RXYLT1: variants seen among roughly 807,000 people sequenced by gnomAD.
RXYLT1 encodes the protein ribitol-5-phosphate xylosyltransferase 1.
RXYLT1 carries 41 observed loss-of-function variants against 43.5 expected under a neutral mutation model. That is an observed-to-expected ratio of 0.94 (90% CI 0.73 to 1.22). The LOEUF (loss-of-function observed/expected upper bound fraction) is 1.22, where lower values mean the gene tolerates loss of function less well. RXYLT1 is among the 50% of genes most tolerant of loss of function. The pLI is 0.00. For missense variants in RXYLT1, 514 were observed against 532.0 expected (o/e 0.97, Z 0.33); for synonymous variants, 166 against 194.4 (o/e 0.85, Z 1.21).
chr12:63,781,586 C>A (rs974656088), intron 2 of RXYLT1, among the ~76,000 whole-genome samples: 2 of 152,230 alleles, frequency 1.3e-5, no homozygotes, highest in Non-Finnish European at 2.9e-5. Context: ...CAAGGTTCTT[C>A]ATTGCAGGCC....
At chr12:63,804,895 T>C (rs1898251280) in intron 4 of RXYLT1, 1 of 174,092 alleles carries the variant, frequency 5.7e-6, no homozygotes. Context: ...ATCGTGATCA[T>C]TATGAATAGA....
chr12:63,787,745 A>G (rs559229468), intron 3 of RXYLT1, among the ~76,000 whole-genome samples: 6 of 152,162 alleles, frequency 3.9e-5, no homozygotes, highest in South Asian at 4.1e-4. Context: ...TCGTGCTTCA[A>G]CATCCCAAGT....
intron 2 of RXYLT1, among the ~76,000 whole-genome samples, chr12:63,783,521 C>CT (rs1419348644): frequency 6.6e-6 from 1 of 152,098 alleles, no homozygotes; most frequent in African/African-American, 2.4e-5. Flanking sequence ...TAGATATCCT[C>CT]TAAGACAATA....
chr12:63,780,276 C>T, intron 1 of RXYLT1, 147 bp downstream of exon 1: 1 of 1,361,314 alleles, frequency 7.3e-7, no homozygotes, highest in Admixed American at 3.8e-5. Flanking sequence ...GCCTCTCGAG[C>T]CAGCCCTTGG....
At chr12:63,806,895 G>A (rs1216670807) in intron 5 of RXYLT1, 1 of 152,274 alleles carries the variant, frequency 6.6e-6, no homozygotes, top group Non-Finnish European at 1.5e-5. Flanking sequence ...TCAATTCTTA[G>A]TGACTGGCAA....
chr12:63,791,869 A>G (rs1897925476), intron 3 of RXYLT1, among the ~76,000 whole-genome samples: 1 of 152,240 alleles, frequency 6.6e-6, no homozygotes, highest in Admixed American at 6.5e-5. Context: ...AAGAGATTAA[A>G]TAACTTCCCC....
At position 63,799,993 on chromosome 12, in the gene RXYLT1, CAAACATAGTCCTCA is replaced by C. The variant is rs769285438; in HGVS notation, c.429-2085_429-2072del. ...TGCCAGTGCTAGATACTGTCCAAGG[CAAACATAGTCCTCA>C]AAACATAGTCCTGGTCCCTGTATGT... On this transcript the variant is annotated intron_variant, in intron 3 of 5. Transcript: ENST00000261234. Among the ~76,000 whole-genome samples, 12 of 152,250 alleles carry C rather than the reference CAAACATAGTCCTCA, an allele frequency of 7.9e-5. No homozygotes were observed. In the South Asian group the frequency reaches 2.5e-3, roughly 32 times the overall value.
chr12:63,797,152 TG>T (rs1482766710), intron 3 of RXYLT1, among the ~76,000 whole-genome samples: 4 of 151,746 alleles, frequency 2.6e-5, no homozygotes, highest in African/African-American at 9.7e-5. Context: ...TTAGTAGAAA[TG>T]GGGTTTCACC....
chr12:63,802,614 T>G (rs1011791980), intron 4 of RXYLT1, among the ~76,000 whole-genome samples: 1 of 152,132 alleles, frequency 6.6e-6, no homozygotes, highest in Non-Finnish European at 1.5e-5. Context: ...AATGAGGAGA[T>G]GAGTTACTTT....
At chr12:63,780,193 G>C in intron 1 of RXYLT1, 64 bp downstream of exon 1, 8 of 1,396,374 alleles carry the variant, frequency 5.7e-6, no homozygotes, top group Non-Finnish European at 7.4e-6. Context: ...TGGGCGGCTG[G>C]GGCCGGGTCC....
At chr12:63,803,993 A>T (rs1432838147) in intron 4 of RXYLT1, 1 of 151,726 alleles carries the variant, frequency 6.6e-6, no homozygotes, top group African/African-American at 2.4e-5. Context: ...AGCTGGGATT[A>T]CAGGTGGGCA....
chr12:63,782,720 A>G (rs1897713511), intron 2 of RXYLT1: 5 of 418,424 alleles, frequency 1.2e-5, no homozygotes, highest in South Asian at 8.7e-5. Context: ...TCACATGTAT[A>G]ATCTCTTCAA....
rs1484708621 is a variant in RXYLT1, at chr12:63,805,440, T to C, written c.914+36T>C. The C allele has an allele frequency of 2.6e-6, 4 of 1,527,744 alleles. No homozygotes were observed. The East Asian group carries it at 9.3e-5, about 36-fold the overall frequency. 94.6% of individuals were successfully genotyped at this position (1,527,744 alleles called of 1,614,324 possible). ...TGCTTATTTAATTCATTCATTTTGT[T>C]CTCCAGTCTGAGAGTTGCTTTATGT... On this transcript the variant is annotated intron_variant, in intron 5 of 5. Coordinates refer to ENST00000261234, the MANE Select transcript of RXYLT1 (RefSeq NM_014254.3).
chr12:63,782,702 C>A (rs777033552), intron 2 of RXYLT1: 8 of 443,874 alleles, frequency 1.8e-5, no homozygotes, highest in Non-Finnish European at 3.6e-5. Context: ...GCTGAGGAGA[C>A]CTGTAAGTCA....
At position 63,809,357 on chromosome 12, in the gene RXYLT1, C is replaced by T. The variant is rs765437834; in HGVS notation, c.*265C>T. The T allele has an allele frequency of 1.3e-4, 39 of 306,132 alleles. No individual in the cohort carries two copies. The highest frequency in any genetic ancestry group is 1.0e-3 in the Middle Eastern group (1 of 954). The allele number at this position is 306,132 out of a possible 1,614,324, so 19.0% of individuals were successfully genotyped here. ...CATATGTATTGCAATACATCACTCACGTGTTTGTGGTGATACTGGTGTAAA... is the reference window on the plus strand; with the variant it reads ...CATATGTATTGCAATACATCACTCATGTGTTTGTGGTGATACTGGTGTAAA... On this transcript the variant is annotated 3_prime_UTR_variant, in exon 6 of 6. Coordinates refer to ENST00000261234, the MANE Select transcript of RXYLT1 (RefSeq NM_014254.3).
At chr12:63,785,263 G>A in intron 3 of RXYLT1, 191 bp downstream of exon 3, 2 of 322,956 alleles carry the variant, frequency 6.2e-6, no homozygotes, top group Non-Finnish European at 1.1e-5. Context: ...TTATGAAATT[G>A]TATATTACAG....
At chr12:63,787,377 C>T (rs931739650) in intron 3 of RXYLT1, among the ~76,000 whole-genome samples, 1 of 152,160 alleles carries the variant, frequency 6.6e-6, no homozygotes, top group Non-Finnish European at 1.5e-5. Flanking sequence ...CCATTTCTAC[C>T]ACATCTTCAG....
At chr12:63,805,568 C>A in intron 5 of RXYLT1, 164 bp downstream of exon 5, 2 of 615,216 alleles carry the variant, frequency 3.3e-6, no homozygotes, top group Non-Finnish European at 5.1e-6. Flanking sequence ...GGGTTGTACA[C>A]ATTTAGAATA....
Position 63,809,385 on chromosome 12 carries a change from A to G in RXYLT1, c.*293A>G. 3.9e-6 allele frequency: 1 copy of G among 256,918 alleles called. No homozygotes were observed. The highest frequency in any genetic ancestry group is 7.4e-6 in the Non-Finnish European group (1 of 135,826). 15.9% of individuals were successfully genotyped at this position (256,918 alleles called of 1,614,324 possible). On this transcript the variant is annotated 3_prime_UTR_variant, in exon 6 of 6. Transcript: ENST00000261234. ...GTTTGTGGTGATACTGGTGTAAACA[A>G]ATCTATTGCACTGCCAGTCAAGTAA...
Sources: allele counts gnomAD v4.1 joint callset (sites outside exome capture counted in the v4.1 genomes callset), GRCh38; gene constraint gnomAD v4.1.1; transcripts MANE v1.5; gene names NCBI Gene and HGNC (gene_info 2026-07-23, HGNC 2026-07-21).